DMXL1: variants seen among roughly 807,000 people sequenced by gnomAD.
The protein encoded by DMXL1 is Dmx like 1.
Under a neutral mutation model 319.2 loss-of-function variants are expected in DMXL1, and 99 were observed. The ratio of observed to expected loss-of-function variants is 0.31; its 90% CI spans 0.26 to 0.37. The LOEUF (loss-of-function observed/expected upper bound fraction) is 0.37. Ranked by LOEUF, DMXL1 falls within the 10% of genes least tolerant of loss-of-function variation. The pLI, the probability that DMXL1 is intolerant of heterozygous loss-of-function variation, is 1.00. For missense variants in DMXL1, 3,745 were observed against 3,595.6 expected, an observed-to-expected ratio of 1.04 and a Z score of -1.06; for synonymous variants, 1,385 against 1,235.2, an observed-to-expected ratio of 1.12 and a Z score of -2.54.
chr5:119,125,329 T>C (rs1313275722), intron 9 of DMXL1, among the ~76,000 whole-genome samples: 1 of 152,218 alleles, frequency 6.6e-6, no homozygotes, highest in Non-Finnish European at 1.5e-5. Flanking sequence ...TGCCTAGGAA[T>C]GATCTATAAA....
chr5:119,152,995 G>C (rs1047671359), intron 19 of DMXL1, among the ~76,000 whole-genome samples: 4 of 143,400 alleles, frequency 2.8e-5, no homozygotes, highest in Non-Finnish European at 6.1e-5. Context: ...TTTCTTTTTT[G>C]AGATAGAGTC....
intron 29 of DMXL1, 97 bp downstream of exon 29, chr5:119,189,983 C>T (rs898869180): frequency 2.5e-5 from 31 of 1,264,890 alleles, no homozygotes; most frequent in Non-Finnish European, 3.4e-5. Flanking sequence ...AATGTTTTCC[C>T]ACTTTGGTTT....
chr5:119,096,332 A>T (rs867538789), intron 1 of DMXL1, among the ~76,000 whole-genome samples: 2 of 152,098 alleles, frequency 1.3e-5, no homozygotes, highest in Middle Eastern at 3.4e-3. Flanking sequence ...ATGCACGACC[A>T]TGCCCGGCTA....
chr5:119,118,762 G>C, intron 7 of DMXL1, 53 bp from the exon 8 acceptor site: 1 of 1,362,662 alleles, frequency 7.3e-7, no homozygotes, highest in Non-Finnish European at 1.0e-6. Context: ...TAGAATTTCT[G>C]TGATACTATG....
At chr5:119,196,509 T>A in intron 31 of DMXL1, 53 bp downstream of exon 31, 27 of 965,424 alleles carry the variant, frequency 2.8e-5, no homozygotes, top group Non-Finnish European at 3.9e-5. Context: ...GACTTACTAC[T>A]CTGTTGTTTT....
intron 39 of DMXL1, among the ~76,000 whole-genome samples, chr5:119,234,224 C>A (rs888387456): frequency 6.6e-6 from 1 of 152,104 alleles, no homozygotes; most frequent in Non-Finnish European, 1.5e-5. Flanking sequence ...CAGTACTGCT[C>A]CTTGTGAAGC....
At chr5:119,168,304 G>C (rs1012087938) in intron 23 of DMXL1, among the ~76,000 whole-genome samples, 1 of 152,158 alleles carries the variant, frequency 6.6e-6, no homozygotes, top group Non-Finnish European at 1.5e-5. Context: ...TTATGAACTG[G>C]TAGAGCTTAT....
chr5:119,219,796 G>A (rs1014765006), intron 35 of DMXL1, among the ~76,000 whole-genome samples: 2 of 152,172 alleles, frequency 1.3e-5, no homozygotes, highest in South Asian at 4.1e-4. Context: ...TCGAACTCCT[G>A]AGCTCAAGCT....
intron 8 of DMXL1, among the ~76,000 whole-genome samples, chr5:119,119,490 A>G (rs1408041288): frequency 1.3e-5 from 2 of 152,106 alleles, no homozygotes; most frequent in Non-Finnish European, 2.9e-5. Context: ...ATCGTAGCCT[A>G]AAGGCTGAGA....
At chr5:119,103,368 C>A (rs1403245109) in intron 3 of DMXL1, among the ~76,000 whole-genome samples, 1 of 152,182 alleles carries the variant, frequency 6.6e-6, no homozygotes, top group African/African-American at 2.4e-5. Flanking sequence ...CTTCACTTAG[C>A]TCATTAGTAT....
At chr5:119,079,427 C>A (rs1159207858) in intron 1 of DMXL1, among the ~76,000 whole-genome samples, 1 of 152,150 alleles carries the variant, frequency 6.6e-6, no homozygotes, top group Admixed American at 6.5e-5. Context: ...TTTTTTCTTT[C>A]CAGAGTTTCT....
At position 119,206,909 on chromosome 5, in the gene DMXL1, A is replaced by T. The variant is rs1331382535; in HGVS notation, c.7926+13A>T. ...AAACATCAATAAGGTACAAAATATC[A>T]TTCAACTGAAATTAAAAATTGCATT... is the stretch of plus-strand genomic sequence containing the variant. On this transcript the variant is annotated intron_variant, in intron 34 of 43. Transcript: ENST00000539542. 2 of 1,474,896 alleles carry T rather than the reference A, an allele frequency of 1.4e-6. No individual in the cohort carries two copies. Among genetic ancestry groups the T allele is most frequent in the Non-Finnish European group, 1.8e-6 (2 of 1,098,516 alleles). 91.4% of individuals were successfully genotyped at this position (1,474,896 alleles called of 1,614,324 possible).
intron 3 of DMXL1, among the ~76,000 whole-genome samples, chr5:119,103,417 T>C (rs941534702): frequency 1.3e-4 from 20 of 152,210 alleles, no homozygotes; most frequent in African/African-American, 4.8e-4. Flanking sequence ...GCAGCCATTA[T>C]TTCTTCTTTT....
chr5:119,241,325 A>T lies in DMXL1; in HGVS notation c.8704+854A>T, dbSNP rs191874836. ...GGCGGGTGGATCACGAGGTCAGGAGATCTAGACAATCCTGGCTAACACGGT... is the reference window on the plus strand; with the variant it reads ...GGCGGGTGGATCACGAGGTCAGGAGTTCTAGACAATCCTGGCTAACACGGT... On this transcript the variant is annotated intron_variant, in intron 42 of 43. Transcript: ENST00000539542. 5.2e-3 allele frequency among the ~76,000 whole-genome samples: 787 copies of T among 152,048 alleles called. 2 individuals are homozygous for T. Among genetic ancestry groups the T allele is most frequent in the Non-Finnish European group, 7.0e-3 (477 of 67,976 alleles).
At chr5:119,118,451 G>C (rs916842428) in intron 7 of DMXL1, among the ~76,000 whole-genome samples, 1 of 152,152 alleles carries the variant, frequency 6.6e-6, no homozygotes, top group African/African-American at 2.4e-5. Context: ...GATGTAAAAA[G>C]AATCTTATTG....
intron 13 of DMXL1, among the ~76,000 whole-genome samples, chr5:119,141,284 C>G (rs1158258335): frequency 6.6e-6 from 1 of 151,936 alleles, no homozygotes; most frequent in East Asian, 1.9e-4. Flanking sequence ...TAAAAGGCAT[C>G]TAAATAGGAA....
At chr5:119,199,183 TG>T in intron 32 of DMXL1, among the ~76,000 whole-genome samples, 1 of 152,146 alleles carries the variant, frequency 6.6e-6, no homozygotes, top group East Asian at 1.9e-4. Flanking sequence ...CCACCATGCC[TG>T]GCCCCCAGTA....
At chr5:119,245,068 A>C (rs1175131102) in intron 43 of DMXL1, among the ~76,000 whole-genome samples, 2 of 152,226 alleles carry the variant, frequency 1.3e-5, no homozygotes, top group East Asian at 3.8e-4. Flanking sequence ...TCAAATGTTA[A>C]GCAGCTTGTT....
At position 119,171,107 on chromosome 5, in the gene DMXL1, C is replaced by G. The variant is rs774519976; in HGVS notation, c.6316C>G (p.Gln2106Glu). The G allele has an allele frequency of 1.2e-6, 2 of 1,613,732 alleles. No homozygotes were observed. The highest frequency in any genetic ancestry group is 1.7e-6 in the Non-Finnish European group (2 of 1,179,878). ...TGAGGATGCTGAAGATTTGCCTCAC[C>G]AAACAAAAGTGAAACAACTGAGAGA... ...LNEDAEDLPH[Q>E]TKVKQLRENF... Residue 2106 changes from glutamine (Q) to glutamate (E), a missense_variant, in exon 24 of 44, where the codon CAA becomes GAA. Physicochemically the swap from Gln to Glu is conservative, Grantham distance 29. Around this residue, in one of 4 missense-constraint regions of DMXL1, gnomAD observed 1,382 missense variants for 1,269.5 expected, o/e 1.09. Coordinates refer to ENST00000539542, the MANE Select transcript of DMXL1 (RefSeq NM_001290321.3).
Sources: gnomAD v4.1 joint callset for allele counts (sites outside exome capture counted in the v4.1 genomes callset) on GRCh38, gnomAD v4.1.1 for gene constraint, gnomAD v4.1.1 regional missense constraint, MANE v1.5 for transcripts, NCBI Gene and HGNC (gene_info 2026-07-23, HGNC 2026-07-21) for gene names.